The following TCP1 variants were observed in gnomAD, a reference collection of about 807,000 sequenced individuals.
The protein encoded by TCP1 is t-complex 1, also known as T-complex protein 1 subunit alpha.
TCP1 carries 6 observed loss-of-function variants against 54.7 expected under a neutral mutation model. The ratio of observed to expected loss-of-function variants is 0.11; its 90% CI spans 0.06 to 0.22. The LOEUF is 0.22. Ranked by LOEUF, TCP1 falls within the 10% of genes least tolerant of loss-of-function variation. The probability of loss-of-function intolerance (pLI) is 1.00; values close to 1 mark genes in which losing one functional copy is unlikely to be tolerated. For synonymous variants in TCP1, 225 were observed against 229.7 expected (o/e 0.98, Z 0.19); for missense variants, 511 against 678.2 (o/e 0.75, Z 2.74).
chr6:159,778,597 T>G lies in TCP1; in HGVS notation c.*448A>C, dbSNP rs1780487740. On this transcript the variant is annotated 3_prime_UTR_variant, in exon 12 of 12. Transcript: ENST00000321394. ...GATACATTAAGAGGAAAAAGACAAG[T>G]TTAAGATTTTAAACTGTGTCCACAG... 1 of 1,560,696 alleles carries G rather than the reference T, an allele frequency of 6.4e-7. No individual in the cohort carries two copies. The highest frequency in any genetic ancestry group is 1.4e-5 in the African/African-American group (1 of 73,540).
rs761300493 is a variant in TCP1, at chr6:159,778,820, G to A, written c.*225C>T. The A allele has an allele frequency of 5.0e-6, 8 of 1,614,056 alleles. No individual in the cohort carries two copies. Among genetic ancestry groups the A allele is most frequent in the Non-Finnish European group, 6.8e-6 (8 of 1,180,028 alleles). ...GGATGGGAATAGCAATGTGTGTTCA[G>A]AGAGAATGAATTGCTTAAACTTTGA... On this transcript the variant is annotated 3_prime_UTR_variant, in exon 12 of 12. Coordinates refer to ENST00000321394, the MANE Select transcript of TCP1 (RefSeq NM_030752.3).
At position 159,779,661 on chromosome 6, in the gene TCP1, C is replaced by G. The variant is rs1305363203; in HGVS notation, c.1420G>C (p.Ala474Pro). Residue 474 changes from alanine to proline, a missense_variant, in exon 11 of 12, where the codon GCC becomes CCC. Physicochemically the swap from Ala to Pro is conservative, Grantham distance 27. Transcript: ENST00000321394. ...TTTTTACGTTCTGGGTTAACCTGGG[C>G]CTCATTATGAAAAGCTCTTAATTTT... Reference protein sequence around the residue: ...VAKLRAFHNEAQVNPERKNLK... With the variant: ...VAKLRAFHNEPQVNPERKNLK... 3 of 1,611,882 alleles carry G rather than the reference C, an allele frequency of 1.9e-6. No homozygotes were observed. Among genetic ancestry groups the G allele is most frequent in the Non-Finnish European group, 2.5e-6 (3 of 1,179,470 alleles).
In TCP1 at chr6:159,789,472, G is replaced by A; in HGVS notation, c.-4C>T. 1 of 1,613,774 alleles carries A rather than the reference G, an allele frequency of 6.2e-7. No individual in the cohort carries two copies. The highest frequency in any genetic ancestry group is 1.1e-5 in the South Asian group (1 of 91,080). ...ACACGGACAAAGGCCCCTCCATCTT[G>A]ACGGCAGCGATACACGTCGAATTCT... is the stretch of plus-strand genomic sequence containing the variant. On this transcript the variant is annotated 5_prime_UTR_variant, in exon 1 of 12. Coordinates refer to ENST00000321394, the MANE Select transcript of TCP1 (RefSeq NM_030752.3).
In TCP1 at chr6:159,779,036, A is replaced by G. The variant is rs2114988529; in HGVS notation, c.*9T>C. 1 of 1,609,382 alleles carries G rather than the reference A, an allele frequency of 6.2e-7. No homozygotes were observed. The highest frequency in any genetic ancestry group is 8.5e-7 in the Non-Finnish European group (1 of 1,176,510). On this transcript the variant is annotated 3_prime_UTR_variant, in exon 12 of 12. Coordinates refer to ENST00000321394, the MANE Select transcript of TCP1 (RefSeq NM_030752.3). ...ATTTAACATTGTTATAAATAAAAGG[A>G]ACATCAGATCAATCATTAAGGGCTC...
In TCP1 at chr6:159,780,002, C is replaced by T. The variant is rs771913892; in HGVS notation, c.1183G>A (p.Ala395Thr). 4.3e-6 allele frequency: 7 copies of T among 1,614,162 alleles called. No homozygotes were observed. The highest frequency in any genetic ancestry group is 4.2e-6 in the Non-Finnish European group (5 of 1,180,028). ...AAAACTCTCTTCACTACACAAAGTG[C>T]ATCATGTAAAGAGCGCTCCATCTCA... Reference protein sequence around the residue: ...CDEMERSLHDALCVVKRVLES... With the variant: ...CDEMERSLHDTLCVVKRVLES... The change falls in exon 10 of 12, where the codon GCA becomes ACA. Residue 395 changes from alanine (A) to threonine (T), a missense_variant. Around this residue, in one of 5 missense-constraint regions of TCP1, gnomAD observed 305 missense variants for 352.8 expected, o/e 0.86. Transcript: ENST00000321394.
chr6:159,789,194 G>A (rs1780784712), intron 1 of TCP1: 4 of 561,918 alleles, frequency 7.1e-6, no homozygotes, highest in Non-Finnish European at 1.3e-5. Context: ...TCAAAACCCT[G>A]CCGCGCGCGG....
Position 159,778,997 on chromosome 6 carries a change from T to C in TCP1, c.*48A>G. ...TTAATGTGTAATACTCAACTCAAGG[T>C]ACAAGACAATTGCATTTAACATTGT... On this transcript the variant is annotated 3_prime_UTR_variant, in exon 12 of 12. Coordinates refer to ENST00000321394, the MANE Select transcript of TCP1 (RefSeq NM_030752.3). 6.3e-7 allele frequency: 1 copy of C among 1,590,292 alleles called. No homozygotes were observed. The highest frequency in any genetic ancestry group is 8.6e-7 in the Non-Finnish European group (1 of 1,163,354).
At chr6:159,784,335 C>T (rs1365836133) in intron 6 of TCP1, among the ~76,000 whole-genome samples, 2 of 149,796 alleles carry the variant, frequency 1.3e-5, no homozygotes, top group African/African-American at 2.5e-5. Flanking sequence ...GACGGAGTCT[C>T]ACTCTGTAGC....
At chr6:159,780,117 A>C (rs1372172404) in intron 9 of TCP1, 30 bp from the exon 10 acceptor site, 1 of 1,580,210 alleles carries the variant, frequency 6.3e-7, no homozygotes, top group South Asian at 1.2e-5. Context: ...AATTCTTGTA[A>C]TAGCATTTTT....
chr6:159,779,111 T>G lies in TCP1; in HGVS notation c.1605A>C (p.Pro535=). The G allele has an allele frequency of 6.2e-7, 1 of 1,614,130 alleles. No homozygotes were observed. Among genetic ancestry groups the G allele is most frequent in the African/African-American group, 1.3e-5 (1 of 75,060 alleles). ...LRIDDLIKLH[P]ESKDDKHGSY... ...TTCCATGTTTATCATCTTTACTTTCTGGATGTAATTTAATAAGATCATCAA... is the reference window on the plus strand; with the variant it reads ...TTCCATGTTTATCATCTTTACTTTCGGGATGTAATTTAATAAGATCATCAA... The change falls in exon 12 of 12, where the codon CCA becomes CCC. Residue 535 remains proline (P), a synonymous_variant. Coordinates refer to ENST00000321394, the MANE Select transcript of TCP1 (RefSeq NM_030752.3).
At chr6:159,783,888 A>C in intron 7 of TCP1, 53 bp downstream of exon 7, 1 of 1,520,556 alleles carries the variant, frequency 6.6e-7, no homozygotes, top group East Asian at 2.4e-5. Flanking sequence ...AAAAATGTTA[A>C]AGTCCTCCAA....
chr6:159,788,039 A>G lies in TCP1; in HGVS notation c.150+19T>C, dbSNP rs1780740779. On this transcript the variant is annotated intron_variant, in intron 2 of 11. Coordinates refer to ENST00000321394, the MANE Select transcript of TCP1 (RefSeq NM_030752.3). The stretch of plus-strand genomic sequence containing the variant: ...AGTTTTACTTTAAGGAAACTAACAC[A>G]ACAGTTATGTGTACTTACACCAATA... 1 of 1,613,240 alleles carries G rather than the reference A, an allele frequency of 6.2e-7. No individual in the cohort carries two copies. The highest frequency in any genetic ancestry group is 1.3e-5 in the African/African-American group (1 of 74,926).
In TCP1 at chr6:159,784,685, G is replaced by C; in HGVS notation, c.651C>G (p.Asn217Lys). The change falls in exon 6 of 12, where the codon AAC becomes AAG. Residue 217 changes from asparagine (N) to lysine (K), a missense_variant. Asn to Lys is a moderately conservative substitution (Grantham distance 94). Coordinates refer to ENST00000321394, the MANE Select transcript of TCP1 (RefSeq NM_030752.3). ...ESMLISGYAL[N>K]CVVGSQGMPK... ...CCTTACCCTGGGATCCCACCACACA[G>C]TTGAGTGCATAGCCACTGATGAGCA... is the stretch of plus-strand genomic sequence containing the variant. 6.2e-7 allele frequency: 1 copy of C among 1,613,988 alleles called. No homozygotes were observed. The highest frequency in any genetic ancestry group is 8.5e-7 in the Non-Finnish European group (1 of 1,179,932).
chr6:159,789,313 A>C, intron 1 of TCP1, 92 bp downstream of exon 1: 1 of 1,462,360 alleles, frequency 6.8e-7, no homozygotes, highest in South Asian at 1.2e-5. Context: ...CTGCGGAGGT[A>C]AAGGAGAGAA....
chr6:159,781,067 T>C lies in TCP1; in HGVS notation c.841A>G (p.Thr281Ala). Residue 281 changes from threonine (T) to alanine (A), a missense_variant, in exon 8 of 12, where the codon ACT becomes GCT. Transcript: ENST00000321394. ...TKERIQKILA[T>A]GANVILTTGG... Reference sequence around the variant, plus strand: ...GTGGTTAGAATAACATTGGCACCAGTTGCCAGGATCTTCTGAATTCTCTCC... The same window carrying C: ...GTGGTTAGAATAACATTGGCACCAGCTGCCAGGATCTTCTGAATTCTCTCC... 2 of 1,611,324 alleles carry C rather than the reference T, an allele frequency of 1.2e-6. No individual in the cohort carries two copies. The highest frequency in any genetic ancestry group is 1.7e-6 in the Non-Finnish European group (2 of 1,179,204).
At position 159,780,103 on chromosome 6, in the gene TCP1, G is replaced by A; in HGVS notation, c.1098-16C>T. The stretch of plus-strand genomic sequence containing the variant: ...AGCCTTAGTACTGTTCAAAACAAAA[G>A]TACAATTCTTGTAATAGCATTTTTA... On this transcript the variant is annotated splice_polypyrimidine_tract_variant and intron_variant, in intron 9 of 11. Transcript: ENST00000321394. 1.3e-6 allele frequency: 2 copies of A among 1,591,638 alleles called. No homozygotes were observed. The highest frequency in any genetic ancestry group is 2.3e-5 in the South Asian group (2 of 86,980).
rs201170045 is a variant in TCP1 at position 159,779,955 on chromosome 6, G to A, written c.1230C>T (p.Pro410=). 83 of 1,613,858 alleles carry A rather than the reference G, an allele frequency of 5.1e-5. No individual in the cohort carries two copies. The highest frequency in any genetic ancestry group is 3.3e-4 in the Middle Eastern group (2 of 6,082). ...GGGCTGCTTCTACAGCACCCCCACC[G>A]GGAACCACAGATTTTGACTCCAAAA... ...KRVLESKSVV[P]GGGAVEAALS... The change falls in exon 10 of 12, where the codon CCC becomes CCT. Residue 410 remains proline, a synonymous_variant. Transcript: ENST00000321394.
rs542243739 is a variant in TCP1, at chr6:159,783,151, A to C, written c.797+790T>G. On this transcript the variant is annotated intron_variant, in intron 7 of 11. Transcript: ENST00000321394. ...GAAGAATCCAGGAAAGAGCATAATT[A>C]GTTGAAGATGCAAGTATGAAACAAG... Among the ~76,000 whole-genome samples the C allele has an allele frequency of 6.5e-4, 99 of 152,352 alleles. 1 individual carries two copies. Among genetic ancestry groups the C allele is most frequent in the African/African-American group, 2.3e-3 (95 of 41,584 alleles).
intron 11 of TCP1, 27 bp downstream of exon 11, chr6:159,779,600 T>C: frequency 6.3e-7 from 1 of 1,582,316 alleles, no homozygotes; most frequent in Non-Finnish European, 8.6e-7. Flanking sequence ...CTGCAGAGGT[T>C]AACAAAGAGC....
Sources: gnomAD v4.1 joint callset for allele counts (sites outside exome capture counted in the v4.1 genomes callset) on GRCh38, gnomAD v4.1.1 for gene constraint, gnomAD v4.1.1 regional missense constraint, MANE v1.5 for transcripts, NCBI Gene and HGNC (gene_info 2026-07-23, HGNC 2026-07-21) for gene names.